CMTM8: variants seen among roughly 807,000 people sequenced by gnomAD.
CMTM8 encodes CKLF-like MARVEL transmembrane domain-containing protein 8.
CMTM8 carries 12 observed loss-of-function variants against 18.6 expected under a neutral mutation model. The ratio of observed to expected loss-of-function variants is 0.65; its 90% CI spans 0.41 to 1.05. The LOEUF (loss-of-function observed/expected upper bound fraction) is 1.05, where lower values mean the gene tolerates loss of function less well. Ranked by LOEUF, CMTM8 falls within the 50% of genes least tolerant of loss-of-function variation. The pLI, the probability that CMTM8 is intolerant of heterozygous loss-of-function variation, is 0.00. For synonymous variants in CMTM8, 87 were observed against 90.6 expected (o/e 0.96, Z 0.23); for missense variants, 217 against 227.2 (o/e 0.95, Z 0.29).
intron 1 of CMTM8, among the ~76,000 whole-genome samples, chr3:32,251,925 A>G (rs1304133434): frequency 2.6e-5 from 4 of 151,764 alleles, no homozygotes; most frequent in African/African-American, 9.7e-5. Flanking sequence ...CCCGGTCTCT[A>G]CAAAAAACAC....
rs1474165155 is a variant in CMTM8, at chr3:32,330,450, T to A, written c.148-26923T>A. On this transcript the variant is annotated intron_variant, in intron 1 of 3. Coordinates refer to ENST00000307526, the MANE Select transcript of CMTM8 (RefSeq NM_178868.5). ...TCTCACCTATGAATAACCACTGCAC[T>A]CCAGGCTGGGCAACATAATAAGGCC... 4.6e-5 allele frequency among the ~76,000 whole-genome samples: 7 copies of A among 152,216 alleles called. No homozygotes were observed. In the East Asian group the frequency reaches 1.4e-3, roughly 29 times the overall value.
chr3:32,351,317 C>T (rs902671250), intron 1 of CMTM8, among the ~76,000 whole-genome samples: 1 of 152,116 alleles, frequency 6.6e-6, no homozygotes, highest in South Asian at 2.1e-4. Flanking sequence ...AAGATGTAAG[C>T]ATATATACAA....
intron 1 of CMTM8, among the ~76,000 whole-genome samples, chr3:32,269,263 C>T (rs1453071910): frequency 6.6e-6 from 1 of 152,188 alleles, no homozygotes; most frequent in Non-Finnish European, 1.5e-5. Context: ...TGACCTTCTT[C>T]TGTTCTCAGG....
At chr3:32,295,477 A>AAAAAAAAAAAAAAAAAAG (rs1702860719) in intron 1 of CMTM8, among the ~76,000 whole-genome samples, 1 of 98,396 alleles carries the variant, frequency 1.0e-5, no homozygotes. Flanking sequence ...AAAAAAAAAA[A>AAAAAAAAAAAAAAAAAAG]ACAAAACAAA....
intron 1 of CMTM8, among the ~76,000 whole-genome samples, chr3:32,240,085 T>G (rs1244457058): frequency 6.6e-6 from 1 of 152,172 alleles, no homozygotes. Flanking sequence ...TTGTTAAATA[T>G]TTGGGAATTG....
chr3:32,318,752 A>G (rs1695979367), intron 1 of CMTM8, among the ~76,000 whole-genome samples: 1 of 150,936 alleles, frequency 6.6e-6, no homozygotes, highest in Admixed American at 6.6e-5. Context: ...TATTTTTAGG[A>G]GAGACGGGGT....
intron 1 of CMTM8, among the ~76,000 whole-genome samples, chr3:32,327,833 G>A (rs1431812429): frequency 1.3e-5 from 2 of 152,190 alleles, no homozygotes; most frequent in Non-Finnish European, 2.9e-5. Context: ...AGTAATAGGT[G>A]AACTTATAAT....
intron 1 of CMTM8, among the ~76,000 whole-genome samples, chr3:32,330,891 G>C (rs1261328039): frequency 6.6e-6 from 1 of 152,142 alleles, no homozygotes; most frequent in Non-Finnish European, 1.5e-5. Context: ...ACTCCTAGAA[G>C]AAAATGAGAA....
chr3:32,251,391 G>A (rs950869141), intron 1 of CMTM8, among the ~76,000 whole-genome samples: 6 of 152,008 alleles, frequency 3.9e-5, no homozygotes, highest in South Asian at 4.2e-4. Flanking sequence ...ATTGCTTACC[G>A]CAGCCTCAAC....
intron 1 of CMTM8, among the ~76,000 whole-genome samples, chr3:32,328,106 G>A (rs903737751): frequency 1.3e-5 from 2 of 152,076 alleles, no homozygotes; most frequent in African/African-American, 4.8e-5. Flanking sequence ...ACGGCACAGT[G>A]GCCCATGCCT....
chr3:32,257,703 G>C (rs902854632), intron 1 of CMTM8, among the ~76,000 whole-genome samples: 4 of 151,826 alleles, frequency 2.6e-5, no homozygotes, highest in Non-Finnish European at 5.9e-5. Context: ...TGTTTACCGA[G>C]AGACCACTTC....
chr3:32,323,515 C>G (rs1478058467), intron 1 of CMTM8, among the ~76,000 whole-genome samples: 1 of 152,156 alleles, frequency 6.6e-6, no homozygotes, highest in Non-Finnish European at 1.5e-5. Context: ...AACTTTTACC[C>G]CCAATAGTCT....
intron 1 of CMTM8, among the ~76,000 whole-genome samples, chr3:32,331,015 G>A (rs973962207): frequency 1.3e-5 from 2 of 151,994 alleles, no homozygotes; most frequent in Non-Finnish European, 2.9e-5. Context: ...CATCTACCCA[G>A]CAAAGGAAAC....
At chr3:32,268,236 C>T (rs1702379260) in intron 1 of CMTM8, among the ~76,000 whole-genome samples, 1 of 152,174 alleles carries the variant, frequency 6.6e-6, no homozygotes, top group South Asian at 2.1e-4. Context: ...AAATGTGGCA[C>T]ATATACACCA....
intron 1 of CMTM8, among the ~76,000 whole-genome samples, chr3:32,249,864 A>T (rs1489690752): frequency 2.0e-5 from 3 of 152,210 alleles, no homozygotes; most frequent in Non-Finnish European, 2.9e-5. Context: ...TGTCCTTAGA[A>T]GTACAAAGGT....
intron 1 of CMTM8, among the ~76,000 whole-genome samples, chr3:32,338,581 G>C (rs1696433034): frequency 6.6e-6 from 1 of 152,166 alleles, no homozygotes; most frequent in Non-Finnish European, 1.5e-5. Flanking sequence ...TACAAACCAA[G>C]GCTCAGGAAA....
At chr3:32,261,367 A>G (rs181088022) in intron 1 of CMTM8, among the ~76,000 whole-genome samples, 1 of 152,332 alleles carries the variant, frequency 6.6e-6, no homozygotes, top group Admixed American at 6.5e-5. Context: ...CAATTATAGG[A>G]ATTAAGACAT....
chr3:32,339,464 C>T (rs571386590), intron 1 of CMTM8, among the ~76,000 whole-genome samples: 36 of 152,256 alleles, frequency 2.4e-4, no homozygotes, highest in African/African-American at 6.7e-4. Flanking sequence ...AACAGAAAGA[C>T]GACCACATGG....
Position 32,364,713 on chromosome 3 carries a change from T to C in CMTM8, c.322-3159T>C, listed in dbSNP as rs139523021. 2.4e-3 allele frequency among the ~76,000 whole-genome samples: 361 copies of C among 152,310 alleles called. 2 individuals are homozygous for C. Among genetic ancestry groups the C allele is most frequent in the African/African-American group, 8.2e-3 (341 of 41,558 alleles). ...CTAGGTAGCTATGTCTTTAAACTCTTGAGGACTCTTGAGGATATCAGATGC... is the reference window on the plus strand; with the variant it reads ...CTAGGTAGCTATGTCTTTAAACTCTCGAGGACTCTTGAGGATATCAGATGC... On this transcript the variant is annotated intron_variant, in intron 2 of 3. Coordinates refer to ENST00000307526, the MANE Select transcript of CMTM8 (RefSeq NM_178868.5).
Sources: gnomAD v4.1 joint callset for allele counts (sites outside exome capture counted in the v4.1 genomes callset) on GRCh38, gnomAD v4.1.1 for gene constraint, MANE v1.5 for transcripts, NCBI Gene and HGNC (gene_info 2026-07-23, HGNC 2026-07-21) for gene names.